The following SLIT3 variants were observed in gnomAD, a reference collection of about 807,000 sequenced individuals.
SLIT3 encodes slit guidance ligand 3, also known as slit homolog 3 protein.
In SLIT3, 68 loss-of-function variants were observed where a neutral mutation model predicts 184.0. That is an observed-to-expected ratio of 0.37 (90% confidence interval 0.30 to 0.45). The LOEUF (loss-of-function observed/expected upper bound fraction) is 0.45, where lower values mean the gene tolerates loss of function less well. Ranked by LOEUF, SLIT3 falls within the 20% of genes least tolerant of loss-of-function variation. The pLI is 1.00. For synonymous variants in SLIT3, 831 were observed against 828.6 expected, an observed-to-expected ratio of 1.00 and a Z score of -0.05; for missense variants, 1,707 against 2,026.0, an observed-to-expected ratio of 0.84 and a Z score of 3.02.
At chr5:169,181,545 T>C (rs1763155950) in intron 4 of SLIT3, among the ~76,000 whole-genome samples, 1 of 151,294 alleles carries the variant, frequency 6.6e-6, no homozygotes, top group South Asian at 2.1e-4. Flanking sequence ...ATCGAGACCA[T>C]CCTGGCCAAC....
rs572599885 is a variant in SLIT3 at position 168,751,638 on chromosome 5, G to A, written c.1973+1317C>T. Among the ~76,000 whole-genome samples, 30 of 152,126 alleles carry A rather than the reference G, an allele frequency of 2.0e-4. No homozygotes were observed. The East Asian group carries it at 2.9e-3, about 15-fold the overall frequency. On this transcript the variant is annotated intron_variant, in intron 18 of 35. Coordinates refer to ENST00000519560, the MANE Select transcript of SLIT3 (RefSeq NM_003062.4). ...ACAGAGGCTCCCTTCCCACGACAGC[G>A]CACTACCCGGGCAGGAGCACTCCTT... is the stretch of plus-strand genomic sequence containing the variant.
chr5:169,258,291 T>C (rs1397318285), intron 1 of SLIT3, among the ~76,000 whole-genome samples: 1 of 152,216 alleles, frequency 6.6e-6, no homozygotes, highest in Non-Finnish European at 1.5e-5. Context: ...CTGAATTTTT[T>C]AAAAGAATGC....
chr5:168,968,300 T>A (rs1763286135), intron 4 of SLIT3, among the ~76,000 whole-genome samples: 1 of 152,160 alleles, frequency 6.6e-6, no homozygotes, highest in African/African-American at 2.4e-5. Context: ...ATCTTCTCAT[T>A]GCCTCTCCCT....
intron 6 of SLIT3, among the ~76,000 whole-genome samples, chr5:168,836,470 G>A (rs1214798556): frequency 1.3e-5 from 2 of 152,160 alleles, no homozygotes; most frequent in African/African-American, 4.8e-5. Flanking sequence ...GACCGCTGTA[G>A]GCATGTGGCT....
At chr5:168,938,438 A>C (rs1762228271) in intron 4 of SLIT3, among the ~76,000 whole-genome samples, 3 of 152,202 alleles carry the variant, frequency 2.0e-5, no homozygotes, top group African/African-American at 7.2e-5. Context: ...CCTGGTACTG[A>C]GAAAGTGACA....
chr5:168,843,825 A>C (rs1040377885), intron 6 of SLIT3, among the ~76,000 whole-genome samples: 1 of 152,232 alleles, frequency 6.6e-6, no homozygotes, highest in Non-Finnish European at 1.5e-5. Context: ...GATGACTCCT[A>C]GCTGACTTTC....
At chr5:169,282,947 G>T (rs2113648938) in intron 1 of SLIT3, among the ~76,000 whole-genome samples, 1 of 152,244 alleles carries the variant, frequency 6.6e-6, no homozygotes, top group Middle Eastern at 3.4e-3. Flanking sequence ...CACTCTCTGG[G>T]GATTGGCCCG....
intron 20 of SLIT3, among the ~76,000 whole-genome samples, chr5:168,746,548 CGGTGGTGTGGGTGTGGTGGTGTGT>C (rs1754429747): frequency 3.7e-5 from 1 of 27,126 alleles, no homozygotes; most frequent in East Asian, 1.3e-3. Flanking sequence ...TGGTGGTGTG[CGGTGGTGTGGGTGTGGTGGTGTGT>C]GGTGGTGTGT....
Position 168,724,417 on chromosome 5 carries a change from T to C in SLIT3, c.2338A>G (p.Ile780Val), listed in dbSNP as rs749368020. Residue 780 changes from isoleucine to valine, a missense_variant and splice_region_variant, in exon 21 of 36, where the codon ATT becomes GTT. Physicochemically the swap from Ile to Val is conservative, Grantham distance 29. This residue lies in a region of SLIT3 where 1,307 missense variants were observed against 1,511.6 expected (regional missense o/e 0.86). Transcript: ENST00000519560. ...CCCACCCAATACTGGGCTCCTTACA[T>C]AAGCGTCAGGTGTCGGAGGGCGGAC... ...ELSALRHLTL[I>V]DLSNNSISML... 4.3e-6 allele frequency: 7 copies of C among 1,612,076 alleles called. No individual in the cohort carries two copies. Among genetic ancestry groups the C allele is most frequent in the Middle Eastern group, 1.6e-4 (1 of 6,068 alleles).
At chr5:168,700,740 AG>A in intron 26 of SLIT3, 61 bp from the exon 27 acceptor site, 2 of 1,175,564 alleles carry the variant, frequency 1.7e-6, no homozygotes, top group Non-Finnish European at 2.5e-6. Context: ...GCCATGGCCC[AG>A]GGGACTCCAG....
At chr5:168,696,756 C>G (rs1252224171) in intron 27 of SLIT3, among the ~76,000 whole-genome samples, 1 of 152,190 alleles carries the variant, frequency 6.6e-6, no homozygotes, top group Non-Finnish European at 1.5e-5. Flanking sequence ...CTGGATATGG[C>G]TTAAATTCCT....
chr5:168,772,177 G>A (rs970332346), intron 14 of SLIT3: 1 of 152,292 alleles, frequency 6.6e-6, no homozygotes, highest in African/African-American at 2.4e-5. Flanking sequence ...AGAAGAACGA[G>A]GCTTTGTTTC....
At chr5:168,696,011 G>A (rs1762053460) in intron 28 of SLIT3, among the ~76,000 whole-genome samples, 1 of 152,168 alleles carries the variant, frequency 6.6e-6, no homozygotes, top group Non-Finnish European at 1.5e-5. Context: ...AGGTCTACAG[G>A]GGCCCTAAAG....
intron 23 of SLIT3, among the ~76,000 whole-genome samples, chr5:168,715,534 T>A (rs1298235528): frequency 1.3e-5 from 2 of 152,192 alleles, no homozygotes; most frequent in Non-Finnish European, 1.5e-5. Flanking sequence ...AGAAGCAGTT[T>A]AATTTTGTGG....
chr5:168,693,122 T>G (rs1434761101), intron 28 of SLIT3, among the ~76,000 whole-genome samples: 1 of 152,210 alleles, frequency 6.6e-6, no homozygotes, highest in Non-Finnish European at 1.5e-5. Flanking sequence ...GACACAACAG[T>G]GACTGGGTCC....
rs189385404 is a variant in SLIT3, at chr5:168,811,346, C to T, written c.794-4759G>A. ...ATGATTTAGGTTCCATTCTTTTTTT[C>T]CCCCTTAGCATGAGATGAGGAAACT... is the stretch of plus-strand genomic sequence containing the variant. On this transcript the variant is annotated intron_variant, in intron 8 of 35. Coordinates refer to ENST00000519560, the MANE Select transcript of SLIT3 (RefSeq NM_003062.4). 3.9e-5 allele frequency among the ~76,000 whole-genome samples: 6 copies of T among 152,228 alleles called. No homozygotes were observed. In the East Asian group the frequency reaches 9.7e-4, roughly 24 times the overall value.
intron 4 of SLIT3, among the ~76,000 whole-genome samples, chr5:168,896,552 T>C (rs964307839): frequency 2.0e-5 from 3 of 152,122 alleles, no homozygotes; most frequent in Non-Finnish European, 4.4e-5. Flanking sequence ...AAAGTAGTAA[T>C]TGGTTTCCAT....
chr5:169,258,261 A>G (rs1345411268), intron 1 of SLIT3, among the ~76,000 whole-genome samples: 1 of 152,136 alleles, frequency 6.6e-6, no homozygotes, highest in Non-Finnish European at 1.5e-5. Flanking sequence ...CATTTTTTTT[A>G]TACTGCATCA....
chr5:168,820,084 G>T lies in SLIT3; in HGVS notation c.630-2621C>A, dbSNP rs545674009. On this transcript the variant is annotated intron_variant, in intron 7 of 35. Transcript: ENST00000519560. ...AGCAATACCATGTCAAATAGTAAAA[G>T]AAAAATAATCATAATGGCATGAAAT... Among the ~76,000 whole-genome samples the T allele has an allele frequency of 4.6e-5, 7 of 152,302 alleles. No individual in the cohort carries two copies. The East Asian group carries it at 1.2e-3, about 25-fold the overall frequency.
Sources: allele counts gnomAD v4.1 joint callset (sites outside exome capture counted in the v4.1 genomes callset), GRCh38; gene constraint gnomAD v4.1.1; regional missense constraint gnomAD v4.1.1; transcripts MANE v1.5; gene names NCBI Gene and HGNC (gene_info 2026-07-23, HGNC 2026-07-21).